The following MAD1L1 variants were observed in gnomAD, a reference collection of about 807,000 sequenced individuals.
MAD1L1 encodes mitotic spindle assembly checkpoint protein MAD1.
A neutral mutation model predicts 96.9 loss-of-function variants in MAD1L1; 95 were observed. That is an observed-to-expected ratio of 0.98 (90% CI 0.83 to 1.16). The LOEUF (loss-of-function observed/expected upper bound fraction) is 1.16. Among genes scored for constraint, MAD1L1 ranks in the 50% most tolerant of loss-of-function variants. The pLI is 0.00. For missense variants in MAD1L1, 1,007 were observed against 954.4 expected (o/e 1.06, Z -0.73); for synonymous variants, 473 against 396.6 (o/e 1.19, Z -2.29).
At chr7:2,217,876 G>A (rs898740287) in intron 7 of MAD1L1, 86 bp downstream of exon 7, 23 of 1,133,136 alleles carry the variant, frequency 2.0e-5, no homozygotes, top group East Asian at 7.1e-5. Flanking sequence ...CACGGAGCTC[G>A]GCACCAGCGC....
At chr7:1,998,038 C>T (rs1330060442) in intron 14 of MAD1L1, among the ~76,000 whole-genome samples, 2 of 152,178 alleles carry the variant, frequency 1.3e-5, no homozygotes, top group African/African-American at 4.8e-5. Flanking sequence ...TTAAACGGTG[C>T]TGCGTACGAT....
chr7:2,092,985 C>G (rs373320453), intron 11 of MAD1L1, among the ~76,000 whole-genome samples: 1 of 151,948 alleles, frequency 6.6e-6, no homozygotes, highest in Non-Finnish European at 1.5e-5. Context: ...CACCTGTAAT[C>G]CCAGTACTTT....
chr7:1,854,270 C>T (rs1275346001), intron 18 of MAD1L1: 2 of 403,300 alleles, frequency 5.0e-6, no homozygotes, highest in Non-Finnish European at 9.8e-6. Context: ...CCCGCTGGGG[C>T]TGGGAGTGGC....
intron 12 of MAD1L1, among the ~76,000 whole-genome samples, chr7:2,039,852 A>T (rs1783600219): frequency 6.6e-6 from 1 of 151,992 alleles, no homozygotes; most frequent in Non-Finnish European, 1.5e-5. Context: ...ACGGGGCAAA[A>T]ATTTTAATCT....
At chr7:2,043,163 AG>A (rs1783768485) in intron 12 of MAD1L1, among the ~76,000 whole-genome samples, 1 of 152,206 alleles carries the variant, frequency 6.6e-6, no homozygotes, top group South Asian at 2.1e-4. Context: ...CATCCAAGTC[AG>A]CCACGAAGAC....
intron 17 of MAD1L1, among the ~76,000 whole-genome samples, chr7:1,934,787 G>A (rs1459366928): frequency 3.3e-5 from 5 of 150,212 alleles, no homozygotes; most frequent in African/African-American, 7.5e-5. Context: ...GAGCGAACCC[G>A]AGACAGGCAG....
At position 1,836,796 on chromosome 7, in the gene MAD1L1, C is replaced by A. The variant is rs186056069; in HGVS notation, c.1999-20568G>T. ...TGAAAAAGAGTCAATCCAGACCTTG[C>A]ACCATATAAAAAAAAACTCAAAATG... is the stretch of plus-strand genomic sequence containing the variant. On this transcript the variant is annotated intron_variant, in intron 18 of 18. Coordinates refer to ENST00000265854, the MANE Select transcript of MAD1L1 (RefSeq NM_001013836.2). Among the ~76,000 whole-genome samples the A allele has an allele frequency of 1.6e-4, 25 of 151,846 alleles. No individual in the cohort carries two copies. In the East Asian group the frequency reaches 4.5e-3, roughly 27 times the overall value.
chr7:1,955,860 T>TAGG (rs1220851754), intron 16 of MAD1L1, among the ~76,000 whole-genome samples: 1 of 152,164 alleles, frequency 6.6e-6, no homozygotes, highest in Non-Finnish European at 1.5e-5. Context: ...CTTCAGTTAT[T>TAGG]TGACTTGTGA....
chr7:1,890,047 G>A (rs1786439107), intron 18 of MAD1L1, among the ~76,000 whole-genome samples: 1 of 152,234 alleles, frequency 6.6e-6, no homozygotes, highest in Non-Finnish European at 1.5e-5. Flanking sequence ...GGGCCTTCCT[G>A]GCCCCTCTCT....
At chr7:2,016,602 C>T (rs556029039) in intron 12 of MAD1L1, among the ~76,000 whole-genome samples, 4 of 152,202 alleles carry the variant, frequency 2.6e-5, no homozygotes, top group African/African-American at 7.2e-5. Flanking sequence ...GCGAGGAGGG[C>T]GAGGCTGCAG....
intron 18 of MAD1L1, among the ~76,000 whole-genome samples, chr7:1,863,765 C>T (rs190443160): frequency 2.0e-5 from 3 of 152,190 alleles, no homozygotes; most frequent in African/African-American, 7.2e-5. Flanking sequence ...CCTGCAGCCC[C>T]GTCAGGCACC....
intron 11 of MAD1L1, among the ~76,000 whole-genome samples, chr7:2,138,529 G>C (rs1482351688): frequency 1.3e-5 from 2 of 152,204 alleles, no homozygotes; most frequent in African/African-American, 4.8e-5. Context: ...TGGGGATTGG[G>C]GGCATGAATG....
At chr7:1,977,171 C>T (rs370641716) in intron 15 of MAD1L1, among the ~76,000 whole-genome samples, 2 of 152,220 alleles carry the variant, frequency 1.3e-5, no homozygotes, top group Non-Finnish European at 2.9e-5. Flanking sequence ...GGGGCCGCGC[C>T]GTCGGGGAGG....
intron 13 of MAD1L1, among the ~76,000 whole-genome samples, chr7:2,013,481 G>T (rs1370170295): frequency 6.6e-6 from 1 of 152,232 alleles, no homozygotes; most frequent in Admixed American, 6.5e-5. Flanking sequence ...GGTGACCTGG[G>T]CATGTCCCTT....
chr7:2,188,164 G>T (rs1791549834), intron 10 of MAD1L1, among the ~76,000 whole-genome samples: 1 of 152,212 alleles, frequency 6.6e-6, no homozygotes, highest in Non-Finnish European at 1.5e-5. Flanking sequence ...AGAGACCAAT[G>T]AATTTTAGTA....
rs543003574 is a variant in MAD1L1, at chr7:2,028,244, C to T, written c.1219-13602G>A. On this transcript the variant is annotated intron_variant, in intron 12 of 18. Transcript: ENST00000265854. The stretch of plus-strand genomic sequence containing the variant: ...ATCGAGACCATCCTGGCTAACACGG[C>T]GAAACCCCGTCTCCACTAAAAATAC... 8.6e-5 allele frequency among the ~76,000 whole-genome samples: 13 copies of T among 151,696 alleles called. No individual in the cohort carries two copies. The East Asian group carries it at 1.9e-3, about 23-fold the overall frequency.
At chr7:1,849,127 TGC>T (rs1491502623) in intron 18 of MAD1L1, 5 of 57,912 alleles carry the variant, frequency 8.6e-5, no homozygotes, top group Non-Finnish European at 1.7e-4. Context: ...CACACAGACA[TGC>T]ACACACACGT....
At chr7:2,071,197 T>C (rs1268652886) in intron 11 of MAD1L1, among the ~76,000 whole-genome samples, 2 of 148,486 alleles carry the variant, frequency 1.3e-5, no homozygotes, top group Non-Finnish European at 3.0e-5. Flanking sequence ...AATACGGGGT[T>C]TTTAACTGTA....
At chr7:2,005,010 G>A (rs374031864) in intron 13 of MAD1L1, among the ~76,000 whole-genome samples, 15 of 152,336 alleles carry the variant, frequency 9.8e-5, no homozygotes, top group African/African-American at 3.6e-4. Context: ...ACTGGTCTCG[G>A]GTACCTGGGC....
Sources: allele counts gnomAD v4.1 joint callset (sites outside exome capture counted in the v4.1 genomes callset), GRCh38; gene constraint gnomAD v4.1.1; transcripts MANE v1.5; gene names NCBI Gene and HGNC (gene_info 2026-07-23, HGNC 2026-07-21).